Variants in FHIT observed in about 807,000 individuals in gnomAD.
The protein encoded by FHIT is fragile histidine triad diadenosine triphosphatase, also known as bis(5'-adenosyl)-triphosphatase.
In FHIT, 19 loss-of-function variants were observed where a neutral mutation model predicts 17.9. The ratio of observed to expected loss-of-function variants is 1.06; its 90% CI spans 0.74 to 1.56. The LOEUF is 1.56. Ranked by LOEUF, FHIT falls within the 40% of genes most tolerant of loss-of-function variation. The probability of loss-of-function intolerance (pLI) is 0.00; values close to 1 mark genes in which losing one functional copy is unlikely to be tolerated. For missense variants in FHIT, 248 were observed against 189.2 expected (o/e 1.31, Z -1.82); for synonymous variants, 81 against 69.7 (o/e 1.16, Z -0.81).
chr3:60,443,451 A>G (rs1335837421), intron 5 of FHIT, among the ~76,000 whole-genome samples: 1 of 152,194 alleles, frequency 6.6e-6, no homozygotes, highest in Non-Finnish European at 1.5e-5. Context: ...CATCCCATCA[A>G]TACCTAATTT....
intron 5 of FHIT, among the ~76,000 whole-genome samples, chr3:60,522,496 G>A (rs1015332793): frequency 1.3e-5 from 2 of 152,190 alleles, no homozygotes; most frequent in East Asian, 3.9e-4. Context: ...CATAGTGGTA[G>A]ACTGGAGGAT....
At chr3:60,222,711 T>C (rs1309948341) in intron 5 of FHIT, among the ~76,000 whole-genome samples, 1 of 152,122 alleles carries the variant, frequency 6.6e-6, no homozygotes, top group Non-Finnish European at 1.5e-5. Flanking sequence ...TAGCAGACAC[T>C]ATGCTGATGG....
intron 2 of FHIT, among the ~76,000 whole-genome samples, chr3:61,080,976 G>A (rs1429679412): frequency 6.6e-6 from 1 of 152,170 alleles, no homozygotes; most frequent in African/African-American, 2.4e-5. Flanking sequence ...GTAGGACTTT[G>A]TGGCCTCCCA....
intron 5 of FHIT, among the ~76,000 whole-genome samples, chr3:60,442,204 T>C (rs982603671): frequency 6.6e-6 from 1 of 152,032 alleles, no homozygotes; most frequent in Non-Finnish European, 1.5e-5. Flanking sequence ...TGAAAAGAGA[T>C]GTGATTTCAT....
chr3:60,438,165 C>T (rs965493091), intron 5 of FHIT, among the ~76,000 whole-genome samples: 2 of 152,182 alleles, frequency 1.3e-5, no homozygotes, highest in East Asian at 1.9e-4. Flanking sequence ...TCAAGCAAAG[C>T]TATCTCCAGT....
intron 8 of FHIT, among the ~76,000 whole-genome samples, chr3:59,754,153 A>G (rs1217062829): frequency 2.6e-5 from 4 of 152,082 alleles, no homozygotes; most frequent in Non-Finnish European, 5.9e-5. Context: ...ACAGAAGGCA[A>G]AACAGTGAGG....
intron 7 of FHIT, among the ~76,000 whole-genome samples, chr3:59,943,836 A>T (rs553146960): frequency 1.3e-5 from 2 of 152,216 alleles, no homozygotes; most frequent in Non-Finnish European, 2.9e-5. Flanking sequence ...CCCTGGAACT[A>T]GACTCCTTGT....
At chr3:59,905,502 G>T (rs150347424) in intron 8 of FHIT, among the ~76,000 whole-genome samples, 24 of 152,284 alleles carry the variant, frequency 1.6e-4, no homozygotes, top group Admixed American at 5.9e-4. Flanking sequence ...TGCCTCTCAC[G>T]TAGTAAGCCT....
intron 5 of FHIT, among the ~76,000 whole-genome samples, chr3:60,100,822 C>T (rs757851868): frequency 2.6e-4 from 38 of 147,724 alleles, no homozygotes; most frequent in Admixed American, 5.4e-4. Flanking sequence ...AAAATTAAAA[C>T]AGAGACCAAC....
At chr3:60,714,904 T>A (rs1436598446) in intron 4 of FHIT, among the ~76,000 whole-genome samples, 1 of 152,190 alleles carries the variant, frequency 6.6e-6, no homozygotes, top group African/African-American at 2.4e-5. Context: ...AAGCTACCAA[T>A]GTCTTTCTTC....
At chr3:60,965,215 G>C (rs550918075) in intron 3 of FHIT, among the ~76,000 whole-genome samples, 31 of 152,032 alleles carry the variant, frequency 2.0e-4, no homozygotes, top group African/African-American at 6.8e-4. Flanking sequence ...TCTTCCACTT[G>C]ATCGAATTGG....
At chr3:60,642,590 C>CA (rs1386173426) in intron 4 of FHIT, among the ~76,000 whole-genome samples, 4 of 152,006 alleles carry the variant, frequency 2.6e-5, no homozygotes, top group Non-Finnish European at 2.9e-5. Flanking sequence ...AGTAAATGCA[C>CA]AAAAAAGGGG....
chr3:61,070,843 G>A lies in FHIT; in HGVS notation c.-163-28744C>T, dbSNP rs1007586911. On this transcript the variant is annotated intron_variant, in intron 2 of 9. Coordinates refer to ENST00000492590, the MANE Select transcript of FHIT (RefSeq NM_002012.4). ...GTTCTATCATTTAATTCATGATGCT[G>A]TTTATCTTGGCTGCAAGAGAGTGAA... 2.0e-5 allele frequency among the ~76,000 whole-genome samples: 3 copies of A among 152,138 alleles called. No homozygotes were observed. The East Asian group carries it at 5.8e-4, about 29-fold the overall frequency.
chr3:60,955,526 G>C (rs983601859), intron 3 of FHIT, among the ~76,000 whole-genome samples: 2 of 150,038 alleles, frequency 1.3e-5, no homozygotes, highest in Admixed American at 6.7e-5. Context: ...ATTCTTTCCA[G>C]AGATTAAACC....
Position 59,749,504 on chromosome 3 carries a change from T to C in FHIT, c.*81A>G, listed in dbSNP as rs925463068. 2 of 140,136 alleles carry C rather than the reference T, an allele frequency of 1.4e-5. No individual in the cohort carries two copies. The highest frequency in any genetic ancestry group is 6.1e-5 in the African/African-American group (1 of 16,312). 8.7% of individuals were successfully genotyped at this position (140,136 alleles called of 1,614,324 possible). A position where few individuals can be genotyped will look rare whatever the true frequency, so the allele number is the denominator to read the frequency against. On this transcript the variant is annotated 3_prime_UTR_variant, in exon 10 of 10. Coordinates refer to ENST00000492590, the MANE Select transcript of FHIT (RefSeq NM_002012.4). ...CATTTTCATGCTGATTCAGTTCCTC[T>C]TGGGGAGAGGCGGGGGGCGGTCTTC... is the stretch of plus-strand genomic sequence containing the variant.
At chr3:60,549,775 GA>G (rs2036485315) in intron 4 of FHIT, among the ~76,000 whole-genome samples, 1 of 152,142 alleles carries the variant, frequency 6.6e-6, no homozygotes, top group South Asian at 2.1e-4. Context: ...CAGACACAAT[GA>G]AAAAGAAACA....
intron 5 of FHIT, among the ~76,000 whole-genome samples, chr3:60,169,137 T>C (rs1017308365): frequency 5.3e-5 from 8 of 152,224 alleles, no homozygotes; most frequent in African/African-American, 1.7e-4. Context: ...CTGCTCAAAA[T>C]TGTGTGTGCC....
intron 5 of FHIT, among the ~76,000 whole-genome samples, chr3:60,041,019 A>G (rs1186392202): frequency 6.6e-6 from 1 of 152,226 alleles, no homozygotes; most frequent in Non-Finnish European, 1.5e-5. Context: ...CACAGGTGTC[A>G]GATATGTATC....
chr3:60,265,235 T>C (rs1706509941), intron 5 of FHIT, among the ~76,000 whole-genome samples: 1 of 148,806 alleles, frequency 6.7e-6, no homozygotes, highest in Admixed American at 6.8e-5. Context: ...GGAACATACA[T>C]GCTGAAAATG....
Sources: allele counts gnomAD v4.1 joint callset (sites outside exome capture counted in the v4.1 genomes callset), GRCh38; gene constraint gnomAD v4.1.1; transcripts MANE v1.5; gene names NCBI Gene and HGNC (gene_info 2026-07-23, HGNC 2026-07-21).